The following GNB5 variants were observed in gnomAD, a reference collection of about 807,000 sequenced individuals.
GNB5 encodes the protein guanine nucleotide-binding protein subunit beta-5.
GNB5 carries 37 observed loss-of-function variants against 55.3 expected under a neutral mutation model. The observed-to-expected ratio is 0.67, with a 90% CI of 0.51 to 0.88. The LOEUF (loss-of-function observed/expected upper bound fraction) is 0.88, where lower values mean the gene tolerates loss of function less well. GNB5 is among the 40% of genes least tolerant of loss of function. GNB5 has a pLI of 0.00. For missense variants in GNB5, 476 were observed against 515.3 expected, an observed-to-expected ratio of 0.92 and a Z score of 0.74; for synonymous variants, 219 against 198.5, an observed-to-expected ratio of 1.10 and a Z score of -0.87.
At chr15:52,179,691 CACCG>C in intron 3 of GNB5, 73 bp downstream of exon 3, 22 of 921,584 alleles carry the variant, frequency 2.4e-5, no homozygotes, top group Admixed American at 4.1e-5. Context: ...CGACCGCCCC[CACCG>C]CCCCCGCCGT....
intron 6 of GNB5, among the ~76,000 whole-genome samples, chr15:52,143,509 C>T (rs932843676): frequency 6.6e-6 from 1 of 152,154 alleles, no homozygotes; most frequent in Non-Finnish European, 1.5e-5. Context: ...TGAATGAAAG[C>T]TTCTTGGGGA....
intron 9 of GNB5, among the ~76,000 whole-genome samples, chr15:52,131,817 A>C (rs1451551986): frequency 2.6e-5 from 4 of 152,232 alleles, no homozygotes; most frequent in African/African-American, 4.8e-5. Context: ...TCTGAGTATA[A>C]TGAAAATACT....
chr15:52,161,951 C>T (rs930360612), intron 3 of GNB5, among the ~76,000 whole-genome samples: 1 of 152,164 alleles, frequency 6.6e-6, no homozygotes, highest in Non-Finnish European at 1.5e-5. Flanking sequence ...AAGTCCAATA[C>T]GGAAAACAGA....
chr15:52,139,526 T>C (rs2033803056), intron 7 of GNB5: 1 of 189,354 alleles, frequency 5.3e-6, no homozygotes, highest in South Asian at 8.1e-5. Flanking sequence ...GACTACACTA[T>C]GTACATGAAT....
intron 8 of GNB5, 78 bp downstream of exon 8, chr15:52,135,535 C>T (rs1596062857): frequency 7.8e-7 from 1 of 1,288,062 alleles, no homozygotes; most frequent in African/African-American, 1.5e-5. Flanking sequence ...AGGCTAATCC[C>T]ATGAATGGAC....
At chr15:52,144,037 C>G (rs1177526082) in intron 6 of GNB5, 2 of 152,262 alleles carry the variant, frequency 1.3e-5, no homozygotes, top group Non-Finnish European at 2.9e-5. Flanking sequence ...TCCCACATGC[C>G]AGGGTGGGGA....
chr15:52,160,040 T>A (rs1279634685), intron 3 of GNB5, among the ~76,000 whole-genome samples: 5 of 151,698 alleles, frequency 3.3e-5, no homozygotes, highest in Non-Finnish European at 5.9e-5. Flanking sequence ...CTCTGCCTCC[T>A]GGGTTCAAGC....
chr15:52,175,834 A>AG (rs1359825443), intron 3 of GNB5, among the ~76,000 whole-genome samples: 3 of 152,104 alleles, frequency 2.0e-5, no homozygotes, highest in Non-Finnish European at 2.9e-5. Flanking sequence ...ACGGATCACA[A>AG]GGTCAGGAGT....
chr15:52,126,155 G>GA, intron 10 of GNB5, 111 bp from the exon 11 acceptor site: 1 of 613,652 alleles, frequency 1.6e-6, no homozygotes, highest in East Asian at 2.8e-5. Flanking sequence ...AAAGATGAAG[G>GA]AAAAACTTCT....
chr15:52,135,615 C>G lies in GNB5; in HGVS notation c.769G>C (p.Gly257Arg). 1.9e-6 allele frequency: 3 copies of G among 1,613,632 alleles called. No homozygotes were observed. The highest frequency in any genetic ancestry group is 2.5e-6 in the Non-Finnish European group (3 of 1,179,752). Residue 257 changes from glycine to arginine, a missense_variant and splice_region_variant, in exon 8 of 13, where the codon GGG becomes CGG. Gly to Arg is a moderately radical substitution (Grantham distance 125). Coordinates refer to ENST00000261837, the MANE Select transcript of GNB5 (RefSeq NM_016194.4). ...GGGAATTTCCACTGGGTCTTTACCCCAGACACGAAGGTGTTTCCAGTTTCT... is the reference window on the plus strand; with the variant it reads ...GGGAATTTCCACTGGGTCTTTACCCGAGACACGAAGGTGTTTCCAGTTTCT... ...PSETGNTFVS[G>R]GCDKKAMVWD...
At chr15:52,176,555 C>T (rs899548217) in intron 3 of GNB5, among the ~76,000 whole-genome samples, 1 of 152,132 alleles carries the variant, frequency 6.6e-6, no homozygotes, top group African/African-American at 2.4e-5. Flanking sequence ...AAGGTAAGAG[C>T]GGCTGCAGGG....
chr15:52,120,179 C>T lies in GNB5; in HGVS notation c.*2578G>A, dbSNP rs890674126. ...CCCCTGGGGGCCCATCTGTTTGGCC[C>T]CTTCACCACAATTGGTTTGGTAGGT... is the stretch of plus-strand genomic sequence containing the variant. On this transcript the variant is annotated 3_prime_UTR_variant, in exon 13 of 13. Coordinates refer to ENST00000261837, the MANE Select transcript of GNB5 (RefSeq NM_016194.4). The T allele has an allele frequency of 6.6e-6, 1 of 152,192 alleles. No homozygotes were observed. Among genetic ancestry groups the T allele is most frequent in the Non-Finnish European group, 1.5e-5 (1 of 68,030 alleles). The allele number at this position is 152,192 out of a possible 1,614,324, so 9.4% of individuals were successfully genotyped here.
At chr15:52,159,822 G>T (rs1284285570) in intron 3 of GNB5, among the ~76,000 whole-genome samples, 1 of 152,194 alleles carries the variant, frequency 6.6e-6, no homozygotes, top group Admixed American at 6.5e-5. Context: ...GTCACCCAGG[G>T]TCAGGGAGCC....
At position 52,165,764 on chromosome 15, in the gene GNB5, G is replaced by A. The variant is rs1284896458; in HGVS notation, c.239-11688C>T. 4.6e-5 allele frequency among the ~76,000 whole-genome samples: 7 copies of A among 151,860 alleles called. No homozygotes were observed. In the East Asian group the frequency reaches 1.2e-3, roughly 25 times the overall value. ...CAAAAAAAAACTGAAGTACAAGTAC[G>A]CTGTGAAGCACCTACACAAACAAGT... On this transcript the variant is annotated intron_variant, in intron 3 of 12. Transcript: ENST00000261837.
chr15:52,123,081 A>G (rs2033315959), intron 12 of GNB5, among the ~76,000 whole-genome samples: 1 of 152,164 alleles, frequency 6.6e-6, no homozygotes, highest in African/African-American at 2.4e-5. Flanking sequence ...TTGACAACCA[A>G]AACCATTTGA....
chr15:52,170,961 GTGT>G, intron 3 of GNB5, among the ~76,000 whole-genome samples: 1 of 151,922 alleles, frequency 6.6e-6, no homozygotes. Context: ...AGGCATGGTG[GTGT>G]GCGACTATAA....
chr15:52,180,021 C>G, intron 2 of GNB5, 142 bp from the exon 3 acceptor site: 1 of 1,095,776 alleles, frequency 9.1e-7, no homozygotes, highest in South Asian at 3.5e-5. Context: ...AGCTGCGGGC[C>G]CGGCTGCTGC....
At chr15:52,136,235 T>A (rs968744901) in intron 7 of GNB5, among the ~76,000 whole-genome samples, 1 of 147,260 alleles carries the variant, frequency 6.8e-6, no homozygotes, top group African/African-American at 2.6e-5. Flanking sequence ...AAGGAAAGAG[T>A]GCATTTCCTA....
At chr15:52,137,406 G>A in intron 7 of GNB5, 3 of 1,029,724 alleles carry the variant, frequency 2.9e-6, no homozygotes, top group Non-Finnish European at 3.5e-6. Context: ...CAAACTCCAG[G>A]GGGGCCTATG....
Sources: allele counts gnomAD v4.1 joint callset (sites outside exome capture counted in the v4.1 genomes callset), GRCh38; gene constraint gnomAD v4.1.1; transcripts MANE v1.5; gene names NCBI Gene and HGNC (gene_info 2026-07-23, HGNC 2026-07-21).